ARHGDIB: variants seen among roughly 807,000 people sequenced by gnomAD.
The protein encoded by ARHGDIB is rho GDP-dissociation inhibitor 2.
Under a neutral mutation model 22.6 loss-of-function variants are expected in ARHGDIB, and 20 were observed. That is an observed-to-expected ratio of 0.88 (90% CI 0.62 to 1.28). The LOEUF (loss-of-function observed/expected upper bound fraction) is 1.28, where lower values mean the gene tolerates loss of function less well. Among genes scored for constraint, ARHGDIB ranks in the 50% most tolerant of loss-of-function variants. The pLI is 0.00. For missense variants in ARHGDIB, 254 were observed against 245.4 expected, an observed-to-expected ratio of 1.04 and a Z score of -0.23; for synonymous variants, 114 against 96.1, an observed-to-expected ratio of 1.19 and a Z score of -1.09.
At chr12:14,943,926 T>C (rs1461476180) in intron 5 of ARHGDIB, among the ~76,000 whole-genome samples, 13 of 152,212 alleles carry the variant, frequency 8.5e-5, no homozygotes, top group South Asian at 2.1e-4. Flanking sequence ...TTTTTTTTCA[T>C]GAGACTAGGT....
At chr12:14,953,536 C>T (rs1478470657) in intron 1 of ARHGDIB, among the ~76,000 whole-genome samples, 1 of 152,012 alleles carries the variant, frequency 6.6e-6, no homozygotes, top group Non-Finnish European at 1.5e-5. Flanking sequence ...CTAACTATAC[C>T]AAAAGGGCCC....
Position 14,949,896 on chromosome 12 carries a change from G to A in ARHGDIB, c.182-11C>T, listed in dbSNP as rs113967091. The A allele has an allele frequency of 1.7e-3, 2,773 of 1,611,890 alleles. 35 individuals are homozygous for A. The African/African-American group carries it at 0.026, about 15-fold the overall frequency. ...TGGGGGCTTTCGGATCTGCAGGATC[G>A]AAAGGGAATGTAAGTACCAAGAAGA... On this transcript the variant is annotated splice_polypyrimidine_tract_variant and intron_variant, in intron 2 of 5. Coordinates refer to ENST00000228945, the MANE Select transcript of ARHGDIB (RefSeq NM_001175.7).
At chr12:14,950,844 G>T in intron 1 of ARHGDIB, 120 bp from the exon 2 acceptor site, 1 of 719,734 alleles carries the variant, frequency 1.4e-6, no homozygotes, top group Non-Finnish European at 2.1e-6. Flanking sequence ...TCACTTTCCT[G>T]ATTGTTTTCC....
intron 1 of ARHGDIB, among the ~76,000 whole-genome samples, chr12:14,953,755 C>G (rs1012367046): frequency 6.6e-6 from 1 of 152,020 alleles, no homozygotes; most frequent in African/African-American, 2.4e-5. Flanking sequence ...AACCTCAAAA[C>G]TATGGAAGCA....
intron 1 of ARHGDIB, among the ~76,000 whole-genome samples, chr12:14,960,040 A>G (rs889273462): frequency 6.6e-6 from 1 of 152,194 alleles, no homozygotes; most frequent in African/African-American, 2.4e-5. Context: ...CTCCGGACCA[A>G]CAGGTGCCAT....
chr12:14,955,635 T>C (rs1246304026), intron 1 of ARHGDIB, among the ~76,000 whole-genome samples: 1 of 152,212 alleles, frequency 6.6e-6, no homozygotes, highest in Non-Finnish European at 1.5e-5. Context: ...AGCATTGTAC[T>C]GCATTTTTAA....
chr12:14,950,409 G>A, intron 2 of ARHGDIB, 123 bp downstream of exon 2: 1 of 792,354 alleles, frequency 1.3e-6, no homozygotes, highest in Non-Finnish European at 2.0e-6. Context: ...TATAAATTGT[G>A]CCTCGCTCAC....
chr12:14,948,930 G>A (rs1438719412), intron 3 of ARHGDIB: 1 of 152,466 alleles, frequency 6.6e-6, no homozygotes, highest in Non-Finnish European at 1.5e-5. Context: ...AACAGGAAGT[G>A]TGCCTTCTCA....
chr12:14,942,240 G>A lies in ARHGDIB; in HGVS notation c.*282C>T, dbSNP rs1363691264. The stretch of plus-strand genomic sequence containing the variant: ...TTTCTGGCCTCTAGTTGCTTGAATA[G>A]GGGTAAGACAGGGAAATATTAAATG... On this transcript the variant is annotated 3_prime_UTR_variant, in exon 6 of 6. Transcript: ENST00000228945. The A allele has an allele frequency of 1.0e-5, 4 of 401,192 alleles. No individual in the cohort carries two copies. The highest frequency in any genetic ancestry group is 1.9e-5 in the Non-Finnish European group (4 of 215,442). The allele number at this position is 401,192 out of a possible 1,614,324, so 24.9% of individuals were successfully genotyped here.
Position 14,942,472 on chromosome 12 carries a change from C to T in ARHGDIB, c.*50G>A. ...GAGGAGGGACAGGGTGCTGAACACG[C>T]CTGAGAGAATTCTTCCAGGTGGCAA... is the stretch of plus-strand genomic sequence containing the variant. On this transcript the variant is annotated 3_prime_UTR_variant, in exon 6 of 6. Coordinates refer to ENST00000228945, the MANE Select transcript of ARHGDIB (RefSeq NM_001175.7). The T allele has an allele frequency of 1.2e-6, 2 of 1,605,550 alleles. No individual in the cohort carries two copies. Among genetic ancestry groups the T allele is most frequent in the Non-Finnish European group, 1.7e-6 (2 of 1,173,682 alleles).
chr12:14,959,891 A>G (rs753730152), intron 1 of ARHGDIB, among the ~76,000 whole-genome samples: 12 of 152,230 alleles, frequency 7.9e-5, no homozygotes, highest in Non-Finnish European at 1.6e-4. Flanking sequence ...CACATCTCAC[A>G]AAAGAGTAAG....
chr12:14,950,758 A>C, intron 1 of ARHGDIB, 34 bp from the exon 2 acceptor site: 1 of 1,537,156 alleles, frequency 6.5e-7, no homozygotes, highest in East Asian at 2.3e-5. Flanking sequence ...TTAGTCAACA[A>C]GTCATGAATA....
Position 14,947,947 on chromosome 12 carries a change from C to T in ARHGDIB, c.268G>A (p.Asp90Asn). 2 of 1,609,182 alleles carry T rather than the reference C, an allele frequency of 1.2e-6. No individual in the cohort carries two copies. The highest frequency in any genetic ancestry group is 8.5e-7 in the Non-Finnish European group (1 of 1,175,516). ...PGPITMDLTG[D>N]LEALKKETIV... ...GTTTCCTTTTTGAGGGCTTCCAGATCTCCTGTAGAAGAAGATTTAGAGAGA... is the reference window on the plus strand; with the variant it reads ...GTTTCCTTTTTGAGGGCTTCCAGATTTCCTGTAGAAGAAGATTTAGAGAGA... Residue 90 changes from aspartate (D) to asparagine (N), a missense_variant and splice_region_variant, in exon 4 of 6, where the codon GAT becomes AAT. By Grantham distance (23) the Asp-to-Asn change is conservative. Transcript: ENST00000228945.
rs1863890191 is a variant in ARHGDIB at position 14,942,552 on chromosome 12, G to A, written c.576C>T (p.Asn192=). ...DKQDHLSWEW[N]LSIKKEWTE The stretch of plus-strand genomic sequence containing the variant: ...CTGTCCACTCCTTCTTAATCGACAG[G>A]TTCCACTCCCAGCTGAGGTGGTCTT... The change falls in exon 6 of 6, where the codon AAC becomes AAT. Residue 192 remains asparagine, a synonymous_variant. Coordinates refer to ENST00000228945, the MANE Select transcript of ARHGDIB (RefSeq NM_001175.7). The A allele has an allele frequency of 1.2e-6, 2 of 1,614,128 alleles. No individual in the cohort carries two copies. The highest frequency in any genetic ancestry group is 1.3e-5 in the African/African-American group (1 of 75,012).
intron 1 of ARHGDIB, among the ~76,000 whole-genome samples, chr12:14,959,667 T>C (rs1158143555): frequency 6.6e-6 from 1 of 152,164 alleles, no homozygotes; most frequent in African/African-American, 2.4e-5. Flanking sequence ...AATGACTTTG[T>C]GGTGCTGAGT....
chr12:14,953,176 CTAGACAT>C (rs1864220934), intron 1 of ARHGDIB, among the ~76,000 whole-genome samples: 1 of 152,104 alleles, frequency 6.6e-6, no homozygotes, highest in South Asian at 2.1e-4. Flanking sequence ...ACAAATTTAC[CTAGACAT>C]TAAAGAGTGG....
chr12:14,955,647 G>A (rs546493945), intron 1 of ARHGDIB, among the ~76,000 whole-genome samples: 12 of 152,054 alleles, frequency 7.9e-5, no homozygotes, highest in South Asian at 4.1e-4. Flanking sequence ...CATTTTTAAC[G>A]TTATTTCTGG....
chr12:14,953,926 T>C lies in ARHGDIB; in HGVS notation c.-12-3202A>G, dbSNP rs371876143. ...TTTCTTTCTCTCTCTCTCTCCCTTC[T>C]TTCCTTCCTTCCTTCCTTCCTTTCT... On this transcript the variant is annotated intron_variant, in intron 1 of 5. Transcript: ENST00000228945. 5.8e-4 allele frequency among the ~76,000 whole-genome samples: 87 copies of C among 150,598 alleles called. 1 individual carries two copies. The South Asian group carries it at 8.7e-3, about 15-fold the overall frequency.
chr12:14,955,426 T>C (rs1414773031), intron 1 of ARHGDIB, among the ~76,000 whole-genome samples: 1 of 152,192 alleles, frequency 6.6e-6, no homozygotes, highest in African/African-American at 2.4e-5. Context: ...CATAAATACC[T>C]CCTATGAATC....
Sources: gnomAD v4.1 joint callset for allele counts (sites outside exome capture counted in the v4.1 genomes callset) on GRCh38, gnomAD v4.1.1 for gene constraint, MANE v1.5 for transcripts, NCBI Gene and HGNC (gene_info 2026-07-23, HGNC 2026-07-21) for gene names.